The following PCDHA2 variants were observed in gnomAD, a reference collection of about 807,000 sequenced individuals.
The protein encoded by PCDHA2 is protocadherin alpha 2.
PCDHA2 carries 58 observed loss-of-function variants against 66.0 expected under a neutral mutation model. The ratio of observed to expected loss-of-function variants is 0.88; its 90% CI spans 0.71 to 1.09. PCDHA2 has a LOEUF of 1.09. Among genes scored for constraint, PCDHA2 ranks in the 50% least tolerant of loss-of-function variants. The pLI, the probability that PCDHA2 is intolerant of heterozygous loss-of-function variation, is 0.00. For missense variants in PCDHA2, 1,267 were observed against 1,242.3 expected (o/e 1.02, Z -0.30); for synonymous variants, 634 against 554.0 (o/e 1.14, Z -2.03).
In PCDHA2 at chr5:140,796,073, C is replaced by T. The variant is rs781982977; in HGVS notation, c.1109C>T (p.Ala370Val). Residue 370 changes from alanine to valine, a missense_variant, in exon 1 of 4, where the codon GCT (alanine) becomes GTT (valine). Transcript: ENST00000526136. ...SENASLGTVI[A>V]LITVSDRDSG... Reference sequence around the variant, plus strand: ...AACGCTTCCCTGGGCACTGTCATTGCTCTCATCACGGTGTCGGATCGCGAC... The same window carrying T: ...AACGCTTCCCTGGGCACTGTCATTGTTCTCATCACGGTGTCGGATCGCGAC... 4.9e-5 allele frequency: 79 copies of T among 1,614,098 alleles called. No individual in the cohort carries two copies. The highest frequency in any genetic ancestry group is 6.7e-5 in the Admixed American group (4 of 60,010).
intron 1 of PCDHA2, among the ~76,000 whole-genome samples, chr5:140,921,904 T>A (rs1554200513): frequency 1.3e-5 from 2 of 151,968 alleles, no homozygotes; most frequent in African/African-American, 4.8e-5. Flanking sequence ...GATAAATATA[T>A]ATTACATGAT....
intron 1 of PCDHA2, among the ~76,000 whole-genome samples, chr5:140,837,823 G>A (rs1554136656): frequency 1.3e-5 from 2 of 151,542 alleles, no homozygotes; most frequent in Admixed American, 1.3e-4. Flanking sequence ...AATACAGTTT[G>A]CATGTCATTG....
intron 1 of PCDHA2, chr5:140,878,201 T>C (rs1157119125): frequency 6.1e-6 from 1 of 164,102 alleles, no homozygotes; most frequent in African/African-American, 2.4e-5. Context: ...GTTGCAAGAA[T>C]GGTACAAAGA....
intron 1 of PCDHA2, chr5:140,830,214 C>G (rs2150182827): frequency 2.5e-6 from 4 of 1,613,730 alleles, no homozygotes; most frequent in Non-Finnish European, 3.4e-6. Flanking sequence ...TGCGCGGTAT[C>G]CAGCCTGCTG....
intron 1 of PCDHA2, chr5:140,858,495 G>A (rs2045450784): frequency 6.7e-7 from 1 of 1,481,628 alleles, no homozygotes; most frequent in East Asian, 2.5e-5. Flanking sequence ...TTCTCTTACC[G>A]CATTTTCTCA....
intron 1 of PCDHA2, chr5:140,878,062 T>C (rs1180266527): frequency 2.5e-6 from 1 of 403,164 alleles, no homozygotes; most frequent in East Asian, 4.6e-5. Context: ...ACACTTAATA[T>C]TTTTCTTTTT....
In PCDHA2 at chr5:140,875,574, C is replaced by T. The variant is rs368911944; in HGVS notation, c.2388+78222C>T. On this transcript the variant is annotated intron_variant, in intron 1 of 3. Coordinates refer to ENST00000526136, the MANE Select transcript of PCDHA2 (RefSeq NM_018905.3). ...TGGGGAGCGGCCAGCTCCACTACTC[C>T]GTCTACGAGGAGGCCAAACACGGCA... 7 of 1,613,978 alleles carry T rather than the reference C, an allele frequency of 4.3e-6. No homozygotes were observed. The African/African-American group carries it at 9.3e-5, about 22-fold the overall frequency.
chr5:140,803,278 T>C, intron 1 of PCDHA2: 1 of 1,614,030 alleles, frequency 6.2e-7, no homozygotes, highest in South Asian at 1.1e-5. Flanking sequence ...GCTGCACTGG[T>C]GGATGTCAAC....
chr5:140,901,829 T>C (rs1449316816), intron 1 of PCDHA2, among the ~76,000 whole-genome samples: 1 of 152,230 alleles, frequency 6.6e-6, no homozygotes, highest in African/African-American at 2.4e-5. Flanking sequence ...TTCCAGTCCA[T>C]AAACATGCAA....
At chr5:140,874,530 G>T (rs1332198120) in intron 1 of PCDHA2, among the ~76,000 whole-genome samples, 2 of 152,200 alleles carry the variant, frequency 1.3e-5, no homozygotes, top group Admixed American at 6.5e-5. Flanking sequence ...ATGAGATTAG[G>T]CTCCAAAACC....
chr5:140,872,717 T>TA (rs781995084), intron 1 of PCDHA2, among the ~76,000 whole-genome samples: 11 of 152,194 alleles, frequency 7.2e-5, no homozygotes, highest in Non-Finnish European at 1.5e-4. Context: ...ACTAGGTAAA[T>TA]AAAATTATTC....
At position 140,795,266 on chromosome 5, in the gene PCDHA2, A is replaced by G. The variant is rs1761938718; in HGVS notation, c.302A>G (p.Glu101Gly). ...GAGGAGCTGTGCGGGCGGAGCGCGG[A>G]ATGTAGCATCCACGTGGAGGTGATC... ...DREELCGRSA[E>G]CSIHVEVIVD... Residue 101 changes from glutamate (E) to glycine (G), a missense_variant, in exon 1 of 4, where the codon GAA becomes GGA. Coordinates refer to ENST00000526136, the MANE Select transcript of PCDHA2 (RefSeq NM_018905.3). 1 of 1,614,222 alleles carries G rather than the reference A, an allele frequency of 6.2e-7. No homozygotes were observed. The highest frequency in any genetic ancestry group is 8.5e-7 in the Non-Finnish European group (1 of 1,180,038).
intron 1 of PCDHA2, chr5:140,884,466 C>G (rs1212644572): frequency 2.5e-6 from 4 of 1,613,646 alleles, no homozygotes; most frequent in Non-Finnish European, 3.4e-6. Flanking sequence ...GGCGCGTGCG[C>G]GCCGGGCAAG....
At position 140,850,679 on chromosome 5, in the gene PCDHA2, C is replaced by G. The variant is rs1439060369; in HGVS notation, c.2388+53327C>G. 22 of 1,598,382 alleles carry G rather than the reference C, an allele frequency of 1.4e-5. 2 individuals are homozygous for G. The highest frequency in any genetic ancestry group is 1.6e-5 in the Non-Finnish European group (19 of 1,167,880). The stretch of plus-strand genomic sequence containing the variant: ...TGCTGCGGTGCTCGGCGATGCCCAC[C>G]GAGGGCGAGTGCGCGCCTGGCAAGC... On this transcript the variant is annotated intron_variant, in intron 1 of 3. Coordinates refer to ENST00000526136, the MANE Select transcript of PCDHA2 (RefSeq NM_018905.3).
intron 1 of PCDHA2, chr5:140,870,948 C>A (rs868931274): frequency 1.2e-6 from 2 of 1,613,466 alleles, no homozygotes; most frequent in African/African-American, 1.3e-5. Context: ...CGGCGGCGGG[C>A]GGCTCGCGCA....
intron 3 of PCDHA2, among the ~76,000 whole-genome samples, chr5:140,995,073 C>A (rs2097663037): frequency 6.6e-6 from 1 of 152,180 alleles, no homozygotes; most frequent in Non-Finnish European, 1.5e-5. Context: ...CAACCTACAG[C>A]AATCCAAACT....
At chr5:140,870,564 G>C (rs782511789) in intron 1 of PCDHA2, 83 of 1,613,882 alleles carry the variant, frequency 5.1e-5, no homozygotes, top group Admixed American at 3.3e-4. Context: ...AGGAGAACGC[G>C]CTGGTGTCCT....
intron 1 of PCDHA2, chr5:140,881,999 A>C: frequency 2.1e-6 from 1 of 471,262 alleles, no homozygotes. Context: ...AGGAAATGCA[A>C]GGGGCAAAAA....
At chr5:140,836,132 G>A (rs1774227374) in intron 1 of PCDHA2, 2 of 1,613,758 alleles carry the variant, frequency 1.2e-6, no homozygotes, top group Non-Finnish European at 1.7e-6. Context: ...TTGTGCCGCG[G>A]TCTGTGGGCG....
Sources: allele counts gnomAD v4.1 joint callset (sites outside exome capture counted in the v4.1 genomes callset), GRCh38; gene constraint gnomAD v4.1.1; transcripts MANE v1.5; gene names NCBI Gene and HGNC (gene_info 2026-07-23, HGNC 2026-07-21).